Variants in FSIP1 observed in about 807,000 individuals in gnomAD.
The protein encoded by FSIP1 is fibrous sheath-interacting protein 1.
Under a neutral mutation model 60.9 loss-of-function variants are expected in FSIP1, and 65 were observed. That is an observed-to-expected ratio of 1.07 (90% CI 0.87 to 1.31). The LOEUF is 1.31. Ranked by LOEUF, FSIP1 falls within the 40% of genes most tolerant of loss-of-function variation. FSIP1 has a pLI of 0.00. For synonymous variants in FSIP1, 209 were observed against 221.2 expected (o/e 0.94, Z 0.49); for missense variants, 675 against 665.5 (o/e 1.01, Z -0.16).
chr15:39,643,919 G>C (rs1892478411), intron 10 of FSIP1, among the ~76,000 whole-genome samples: 1 of 152,124 alleles, frequency 6.6e-6, no homozygotes, highest in Non-Finnish European at 1.5e-5. Context: ...GGAAAATTCT[G>C]CAATGCTAAG....
At chr15:39,763,758 T>C in intron 5 of FSIP1, 63 bp downstream of exon 5, 2 of 865,608 alleles carry the variant, frequency 2.3e-6, no homozygotes, top group Admixed American at 3.9e-5. Context: ...GGAATTTTAC[T>C]TTAATCCAAA....
At chr15:39,750,511 A>G (rs1177631674) in intron 5 of FSIP1, among the ~76,000 whole-genome samples, 2 of 151,988 alleles carry the variant, frequency 1.3e-5, no homozygotes, top group Non-Finnish European at 2.9e-5. Flanking sequence ...AAGTTTTAAC[A>G]AGGGCCCAAG....
chr15:39,656,027 T>C lies in FSIP1; in HGVS notation c.1189-37782A>G, dbSNP rs912175821. 1.8e-4 allele frequency among the ~76,000 whole-genome samples: 27 copies of C among 152,314 alleles called. 1 individual carries two copies. The highest frequency in any genetic ancestry group is 1.7e-3 in the South Asian group (8 of 4,822). ...AGATGAGGCTGAAAGGGCAGCTGTG[T>C]GTATTTCAAAGGGCTCTGAATGCCA... is the stretch of plus-strand genomic sequence containing the variant. On this transcript the variant is annotated intron_variant, in intron 10 of 11. Coordinates refer to ENST00000350221, the MANE Select transcript of FSIP1 (RefSeq NM_152597.5).
downstream of FSIP1, chr15:39,599,589 G>C (rs1890569801): frequency 8.1e-6 from 1 of 123,498 alleles, no homozygotes; most frequent in Admixed American, 1.1e-4. Flanking sequence ...TCAAATACCA[G>C]AAAAGCATAG....
chr15:39,708,321 C>G (rs889824520), intron 10 of FSIP1, among the ~76,000 whole-genome samples: 1 of 152,140 alleles, frequency 6.6e-6, no homozygotes, highest in Non-Finnish European at 1.5e-5. Context: ...TCCAGGCACC[C>G]CATGATACTT....
At chr15:39,764,983 T>C (rs566413127) in intron 4 of FSIP1, among the ~76,000 whole-genome samples, 2 of 152,312 alleles carry the variant, frequency 1.3e-5, no homozygotes, top group South Asian at 4.1e-4. Context: ...CCCAGCACTT[T>C]ACCAGCCTGC....
In FSIP1 at chr15:39,760,354, T is replaced by C. The variant is rs1347142801; in HGVS notation, c.559+3467A>G. On this transcript the variant is annotated intron_variant, in intron 5 of 11. Transcript: ENST00000350221. ...TAGTCTTAAAGCATCTCCCCCAAGA[T>C]ATGTATTAATTGTAAAAGAAAAAAA... Among the ~76,000 whole-genome samples the C allele has an allele frequency of 2.6e-5, 4 of 152,116 alleles. No homozygotes were observed. The East Asian group carries it at 5.8e-4, about 22-fold the overall frequency.
chr15:39,641,485 A>G (rs1180052561), intron 10 of FSIP1, among the ~76,000 whole-genome samples: 1 of 152,224 alleles, frequency 6.6e-6, no homozygotes, highest in Non-Finnish European at 1.5e-5. Context: ...AAAATCCTCG[A>G]AACTGTTTAT....
intron 8 of FSIP1, among the ~76,000 whole-genome samples, chr15:39,736,786 G>A (rs1896624957): frequency 6.6e-6 from 1 of 152,238 alleles, no homozygotes. Flanking sequence ...AACAGCCGAG[G>A]GCAAGGGCAC....
At chr15:39,768,337 C>A (rs112302305) in intron 3 of FSIP1, among the ~76,000 whole-genome samples, 2 of 152,164 alleles carry the variant, frequency 1.3e-5, no homozygotes, top group African/African-American at 2.4e-5. Context: ...CTCCCCTTTA[C>A]GGCCTTAAAA....
intron 11 of FSIP1, among the ~76,000 whole-genome samples, chr15:39,611,784 C>G (rs1237410085): frequency 6.6e-6 from 1 of 152,108 alleles, no homozygotes; most frequent in Non-Finnish European, 1.5e-5. Context: ...ACTCACTTTA[C>G]TAGTAAGAAA....
At position 39,713,574 on chromosome 15, in the gene FSIP1, T is replaced by A. The variant is rs908662294; in HGVS notation, c.1058A>T (p.Asp353Val). 6.3e-7 allele frequency: 1 copy of A among 1,584,880 alleles called. No individual in the cohort carries two copies. Among genetic ancestry groups the A allele is most frequent in the Non-Finnish European group, 8.5e-7 (1 of 1,171,792 alleles). ...RLENRNNQKP[D>V]RDGERNMEVT... ...TTCCATATTTCTTTCACCATCACGG[T>A]CAGGTTTCTAATTTAAAGAAAAAAA... The change falls in exon 10 of 12, where the codon GAC becomes GTC. Residue 353 changes from aspartate (D) to valine (V), a missense_variant. Coordinates refer to ENST00000350221, the MANE Select transcript of FSIP1 (RefSeq NM_152597.5).
intron 9 of FSIP1, among the ~76,000 whole-genome samples, chr15:39,723,092 T>C (rs1161082254): frequency 6.6e-6 from 1 of 152,210 alleles, no homozygotes; most frequent in Non-Finnish European, 1.5e-5. Flanking sequence ...ACTTTATGTA[T>C]ATTAACTCAG....
rs750244327 is a variant in FSIP1, at chr15:39,600,854, G to A, written c.*26C>T. 1.3e-5 allele frequency: 20 copies of A among 1,582,380 alleles called. No individual in the cohort carries two copies. In the African/African-American group the frequency reaches 2.3e-4, roughly 18 times the overall value. Reference sequence around the variant, plus strand: ...AATTTAACTTCATTACCAACTTTCTGAAAAGCACACCCAGCAAGTCCTTGA... The same window carrying A: ...AATTTAACTTCATTACCAACTTTCTAAAAAGCACACCCAGCAAGTCCTTGA... On this transcript the variant is annotated 3_prime_UTR_variant, in exon 12 of 12. Coordinates refer to ENST00000350221, the MANE Select transcript of FSIP1 (RefSeq NM_152597.5).
rs1023805377 is a variant in FSIP1 at position 39,702,450 on chromosome 15, T to C, written c.1188+10994A>G. ...AAACTACTTTTTAAAAAATATTTTA[T>C]CTAGCATGTTCAGGCTTGCTTTCCC... On this transcript the variant is annotated intron_variant, in intron 10 of 11. Transcript: ENST00000350221. 2.9e-5 allele frequency among the ~76,000 whole-genome samples: 3 copies of C among 101,934 alleles called. 1 individual carries two copies. The highest frequency in any genetic ancestry group is 1.2e-4 in the African/African-American group (3 of 25,326). The allele number at this position is 101,934 out of a possible 152,430, so 66.9% of individuals were successfully genotyped here.
intron 9 of FSIP1, among the ~76,000 whole-genome samples, chr15:39,722,564 T>G (rs1896024275): frequency 6.6e-6 from 1 of 152,104 alleles, no homozygotes; most frequent in Non-Finnish European, 1.5e-5. Flanking sequence ...CTAGTTCCTC[T>G]TCCTTCTCCT....
At chr15:39,616,626 T>C (rs1222500736) in intron 11 of FSIP1, among the ~76,000 whole-genome samples, 4 of 152,162 alleles carry the variant, frequency 2.6e-5, no homozygotes, top group Non-Finnish European at 5.9e-5. Flanking sequence ...CTGAATAACA[T>C]TTAGGTGACT....
intron 11 of FSIP1, among the ~76,000 whole-genome samples, chr15:39,614,380 C>T (rs1409154413): frequency 6.6e-6 from 1 of 152,004 alleles, no homozygotes; most frequent in African/African-American, 2.4e-5. Context: ...TATATATTGA[C>T]AACTATAGAA....
chr15:39,601,043 C>A, intron 11 of FSIP1, 117 bp from the exon 12 acceptor site: 1 of 759,326 alleles, frequency 1.3e-6, no homozygotes, highest in Non-Finnish European at 2.2e-6. Context: ...AATAATCACA[C>A]TCTCATTTAA....
Sources: gnomAD v4.1 joint callset for allele counts (sites outside exome capture counted in the v4.1 genomes callset) on GRCh38, gnomAD v4.1.1 for gene constraint, MANE v1.5 for transcripts, NCBI Gene and HGNC (gene_info 2026-07-23, HGNC 2026-07-21) for gene names.